The following PAX5 variants were observed in gnomAD, a reference collection of about 807,000 sequenced individuals.
PAX5 encodes the protein paired box protein Pax-5.
In PAX5, 9 loss-of-function variants were observed where a neutral mutation model predicts 43.7. The observed-to-expected ratio is 0.21, with a 90% confidence interval of 0.12 to 0.36. The LOEUF (loss-of-function observed/expected upper bound fraction) is 0.36. Ranked by LOEUF, PAX5 falls within the 10% of genes least tolerant of loss-of-function variation. The pLI is 1.00. For synonymous variants in PAX5, 228 were observed against 214.3 expected (o/e 1.06, Z -0.56); for missense variants, 383 against 532.7 (o/e 0.72, Z 2.77).
intron 4 of PAX5, 78 bp downstream of exon 4, chr9:37,006,395 C>A: frequency 1.9e-6 from 2 of 1,064,528 alleles, no homozygotes; most frequent in South Asian, 2.6e-5. Flanking sequence ...AATTATCTGT[C>A]CATAAGAATG....
chr9:36,881,001 A>T (rs7034895), intron 8 of PAX5, among the ~76,000 whole-genome samples: 6,673 of 152,316 alleles, frequency 0.044, 183 homozygotes, highest in East Asian at 0.1. Context: ...TACCTAAGAG[A>T]GAGCATGGTG....
chr9:37,020,771 A>C lies in PAX5; in HGVS notation c.77T>G (p.Val26Gly), dbSNP rs926053251. 6.2e-6 allele frequency: 10 copies of C among 1,613,140 alleles called. No homozygotes were observed. Among genetic ancestry groups the C allele is most frequent in the Non-Finnish European group, 8.5e-6 (10 of 1,179,838 alleles). Reference sequence around the variant, plus strand: ...CGGGAGTGGCCGTCCATTCACAAAAACCCCCCCAAGCTGATTCACTCCTCC... The same window carrying C: ...CGGGAGTGGCCGTCCATTCACAAAACCCCCCCCAAGCTGATTCACTCCTCC... ...GHGGVNQLGG[V>G]FVNGRPLPDV... The change falls in exon 2 of 10, where the codon GTT becomes GGT. Residue 26 changes from valine to glycine, a missense_variant. This residue lies in a region of PAX5 where 54 missense variants were observed against 68.6 expected (regional missense o/e 0.79). Coordinates refer to ENST00000358127, the MANE Select transcript of PAX5 (RefSeq NM_016734.3).
chr9:36,869,217 A>C (rs1825188881), intron 8 of PAX5, among the ~76,000 whole-genome samples: 1 of 152,132 alleles, frequency 6.6e-6, no homozygotes, highest in South Asian at 2.1e-4. Flanking sequence ...AGGGAGTCAA[A>C]CTCTGACAGC....
Position 36,867,061 on chromosome 9 carries a change from G to A in PAX5, c.1012+14943C>T, listed in dbSNP as rs956596689. Among the ~76,000 whole-genome samples the A allele has an allele frequency of 3.6e-3, 401 of 112,726 alleles. 7 individuals carry two copies. The highest frequency in any genetic ancestry group is 0.014 in the African/African-American group (383 of 27,286). 74.0% of individuals were successfully genotyped at this position (112,726 alleles called of 152,430 possible). On this transcript the variant is annotated intron_variant, in intron 8 of 9. Coordinates refer to ENST00000358127, the MANE Select transcript of PAX5 (RefSeq NM_016734.3). ...TACAAAATGTCCTGGATGGGGTGGT[G>A]GGGGGGGGGCCTTGGTTGGTCTCCT... is the stretch of plus-strand genomic sequence containing the variant.
chr9:36,865,303 T>A (rs529361747), intron 8 of PAX5, among the ~76,000 whole-genome samples: 1 of 152,178 alleles, frequency 6.6e-6, no homozygotes, highest in Admixed American at 6.5e-5. Flanking sequence ...TGCCCTCTTG[T>A]CCCCCAGTAG....
chr9:36,928,395 C>T lies in PAX5; in HGVS notation c.781-4911G>A, dbSNP rs116005068. ...GGAGCCATTCCTGAACTCCACACTC[C>T]TACAAAGAAACAATCTCTCCCTTGT... On this transcript the variant is annotated intron_variant, in intron 6 of 9. Transcript: ENST00000358127. 2.9e-3 allele frequency among the ~76,000 whole-genome samples: 439 copies of T among 152,266 alleles called. 1 individual carries two copies. The highest frequency in any genetic ancestry group is 9.7e-3 in the African/African-American group (401 of 41,548).
intron 6 of PAX5, among the ~76,000 whole-genome samples, chr9:36,932,792 T>C (rs2132019979): frequency 6.6e-6 from 1 of 152,036 alleles, no homozygotes; most frequent in Middle Eastern, 3.4e-3. Flanking sequence ...GTGCAACAAT[T>C]GTCATGAGTT....
At chr9:36,963,006 C>T (rs950527498) in intron 6 of PAX5, among the ~76,000 whole-genome samples, 1 of 152,240 alleles carries the variant, frequency 6.6e-6, no homozygotes, top group Non-Finnish European at 1.5e-5. Flanking sequence ...CCCTTCCCAG[C>T]CTGCGGCCCC....
intron 1 of PAX5, among the ~76,000 whole-genome samples, chr9:37,030,479 G>A (rs1157349925): frequency 1.3e-5 from 2 of 152,194 alleles, no homozygotes; most frequent in African/African-American, 4.8e-5. Flanking sequence ...AGCGAGACTA[G>A]CAGCTCTCAC....
chr9:36,920,513 G>A (rs1192924239), intron 7 of PAX5, among the ~76,000 whole-genome samples: 2 of 152,154 alleles, frequency 1.3e-5, no homozygotes, highest in African/African-American at 2.4e-5. Context: ...TTAGCAACAA[G>A]TATTTTTAAA....
chr9:36,918,657 C>T (rs1051378704), intron 7 of PAX5, among the ~76,000 whole-genome samples: 1 of 151,720 alleles, frequency 6.6e-6, no homozygotes, highest in Admixed American at 6.6e-5. Context: ...TGAGACCCTG[C>T]CTCAAAAAAA....
intron 6 of PAX5, among the ~76,000 whole-genome samples, chr9:36,963,843 TCC>T (rs2132175690): frequency 6.6e-6 from 1 of 152,176 alleles, no homozygotes; most frequent in East Asian, 1.9e-4. Context: ...GAGGCCTGGA[TCC>T]CCGCTCTTCC....
intron 6 of PAX5, among the ~76,000 whole-genome samples, chr9:36,928,385 C>T (rs1830831717): frequency 6.6e-6 from 1 of 152,182 alleles, no homozygotes; most frequent in South Asian, 2.1e-4. Flanking sequence ...CATTCCTGAA[C>T]TCCACACTCC....
At chr9:36,994,934 C>T (rs139142344) in intron 5 of PAX5, among the ~76,000 whole-genome samples, 10 of 152,274 alleles carry the variant, frequency 6.6e-5, no homozygotes, top group Middle Eastern at 3.4e-3. Flanking sequence ...GCCCCCACCA[C>T]GACCACACCC....
intron 1 of PAX5, among the ~76,000 whole-genome samples, chr9:37,033,599 T>TACACACACACACACAC (rs56039556): frequency 2.0e-5 from 3 of 149,168 alleles, no homozygotes; most frequent in African/African-American, 7.4e-5. Context: ...AGTATAAAGA[T>TACACACACACACACAC]ACACACACAC....
rs188043668 is a variant in PAX5 at position 36,997,663 on chromosome 9, G to T, written c.604+4985C>A. On this transcript the variant is annotated intron_variant, in intron 5 of 9. Transcript: ENST00000358127. ...TCCTGAGCCATGCCACAGCTTCCTC[G>T]ACGAAAGCTCTCAGTTCAAACCAAC... Among the ~76,000 whole-genome samples the T allele has an allele frequency of 4.8e-4, 73 of 152,304 alleles. No individual in the cohort carries two copies. In the South Asian group the frequency reaches 0.014, roughly 30 times the overall value.
At chr9:36,946,583 G>A (rs1016796240) in intron 6 of PAX5, among the ~76,000 whole-genome samples, 2 of 152,162 alleles carry the variant, frequency 1.3e-5, no homozygotes, top group African/African-American at 2.4e-5. Flanking sequence ...GCAATGAGAG[G>A]TTTGTCTCTC....
At chr9:37,017,647 T>C (rs564904142) in intron 2 of PAX5, among the ~76,000 whole-genome samples, 3 of 152,344 alleles carry the variant, frequency 2.0e-5, no homozygotes, top group South Asian at 2.1e-4. Context: ...AACATTCACA[T>C]AGCAACTCTG....
intron 6 of PAX5, among the ~76,000 whole-genome samples, chr9:36,954,079 A>T (rs56038055): frequency 0.017 from 2,588 of 152,320 alleles, 68 homozygotes; most frequent in African/African-American, 0.057. Context: ...CTCAAAAGAA[A>T]AAAATATATA....
Sources: gnomAD v4.1 joint callset for allele counts (sites outside exome capture counted in the v4.1 genomes callset) on GRCh38, gnomAD v4.1.1 for gene constraint, gnomAD v4.1.1 regional missense constraint, MANE v1.5 for transcripts, NCBI Gene and HGNC (gene_info 2026-07-23, HGNC 2026-07-21) for gene names.